The following HOOK3 variants were observed in gnomAD, a reference collection of about 807,000 sequenced individuals.
The protein encoded by HOOK3 is hook microtubule tethering protein 3.
HOOK3 carries 24 observed loss-of-function variants against 116.3 expected under a neutral mutation model. The observed-to-expected ratio is 0.21, with a 90% CI of 0.15 to 0.29. HOOK3 has a LOEUF of 0.29. Among genes scored for constraint, HOOK3 ranks in the 10% least tolerant of loss-of-function variants. HOOK3 has a pLI of 1.00. For missense variants in HOOK3, 632 were observed against 830.2 expected (o/e 0.76, Z 2.93); for synonymous variants, 275 against 283.0 (o/e 0.97, Z 0.28).
intron 12 of HOOK3, among the ~76,000 whole-genome samples, chr8:42,973,637 C>T (rs1808766524): frequency 1.3e-5 from 2 of 152,172 alleles, no homozygotes; most frequent in African/African-American, 4.8e-5. Context: ...TTTTCTACCA[C>T]TGTTGCCTCC....
Position 42,946,814 on chromosome 8 carries a change from G to A in HOOK3, c.400+3369G>A, listed in dbSNP as rs538290190. Among the ~76,000 whole-genome samples the A allele has an allele frequency of 1.8e-4, 25 of 138,278 alleles. No individual in the cohort carries two copies. In the South Asian group the frequency reaches 5.8e-3, roughly 32 times the overall value. The allele number at this position is 138,278 out of a possible 152,430, so 90.7% of individuals were successfully genotyped here. A position where few individuals can be genotyped will look rare whatever the true frequency, so the allele number is the denominator to read the frequency against. ...GACAGATTCTCACTCTGTCACCCAG[G>A]CTGGAGTCCAGTGGTGTGATCTCGG... On this transcript the variant is annotated intron_variant, in intron 5 of 21. Transcript: ENST00000307602.
At position 42,997,616 on chromosome 8, in the gene HOOK3, T is replaced by A. The variant is rs1809303896; in HGVS notation, c.1599T>A (p.Asp533Glu). ...AAGAATTACAAAAATCTTTACAGGA[T>A]CAAGGCTCAAAAGCAGAAGATGTAA... ...QVEELQKSLQ[D>E]QGSKAEDSVL... is the part of the protein sequence containing the mutation. Residue 533 changes from aspartate (D) to glutamate (E), a missense_variant, in exon 16 of 22, where the codon GAT (aspartate) becomes GAA (glutamate). By Grantham distance (45) the Asp-to-Glu change is conservative. This residue lies in a region of HOOK3 where 483 missense variants were observed against 648.1 expected (regional missense o/e 0.75). Coordinates refer to ENST00000307602, the MANE Select transcript of HOOK3 (RefSeq NM_032410.4). 1.9e-6 allele frequency: 3 copies of A among 1,604,460 alleles called. No individual in the cohort carries two copies. Among genetic ancestry groups the A allele is most frequent in the South Asian group, 2.2e-5 (2 of 90,762 alleles).
chr8:43,005,214 A>ATTTTTTTT (rs1178140233), intron 17 of HOOK3, among the ~76,000 whole-genome samples: 16 of 63,180 alleles, frequency 2.5e-4, no homozygotes, highest in African/African-American at 4.0e-4. Flanking sequence ...TATATATATA[A>ATTTTTTTT]TTTTTTTTTT....
chr8:43,002,271 A>T (rs1028370570), intron 17 of HOOK3, 130 bp downstream of exon 17: 2 of 610,724 alleles, frequency 3.3e-6, no homozygotes, highest in Admixed American at 5.6e-5. Flanking sequence ...AATACATATT[A>T]TGAGAGTCTG....
chr8:42,999,270 G>A (rs1277894915), intron 16 of HOOK3, among the ~76,000 whole-genome samples: 2 of 152,162 alleles, frequency 1.3e-5, no homozygotes, highest in Non-Finnish European at 2.9e-5. Context: ...TTAACAGAAC[G>A]TATTTCAGAA....
rs1054287613 is a variant in HOOK3, at chr8:43,019,551, C to T, written c.*1053C>T. On this transcript the variant is annotated 3_prime_UTR_variant, in exon 22 of 22. Coordinates refer to ENST00000307602, the MANE Select transcript of HOOK3 (RefSeq NM_032410.4). ...TGTTATATTATGGCAGATCTCTTTA[C>T]GTTTTTTCTCACATCTATCTGCTAG... 1.5e-5 allele frequency: 3 copies of T among 202,522 alleles called. No homozygotes were observed. The highest frequency in any genetic ancestry group is 7.7e-5 in the East Asian group (1 of 12,948). The allele number at this position is 202,522 out of a possible 1,614,324, so 12.5% of individuals were successfully genotyped here. A position where few individuals can be genotyped will look rare whatever the true frequency, so the allele number is the denominator to read the frequency against.
rs370329651 is a variant in HOOK3, at chr8:43,013,193, T to G, written c.1944+38T>G. 3.3e-6 allele frequency: 5 copies of G among 1,493,306 alleles called. No individual in the cohort carries two copies. In the African/African-American group the frequency reaches 7.0e-5, roughly 21 times the overall value. 92.5% of individuals were successfully genotyped at this position (1,493,306 alleles called of 1,614,324 possible). A position where few individuals can be genotyped will look rare whatever the true frequency, so the allele number is the denominator to read the frequency against. On this transcript the variant is annotated intron_variant, in intron 20 of 21. Coordinates refer to ENST00000307602, the MANE Select transcript of HOOK3 (RefSeq NM_032410.4). ...ACTGTACAATAAAATAATTGTGTTTTGATTTTAATGTTTTGGGAGCCTTGT... is the reference window on the plus strand; with the variant it reads ...ACTGTACAATAAAATAATTGTGTTTGGATTTTAATGTTTTGGGAGCCTTGT...
At chr8:42,931,843 C>T (rs1014034587) in intron 4 of HOOK3, among the ~76,000 whole-genome samples, 4 of 152,050 alleles carry the variant, frequency 2.6e-5, no homozygotes, top group Admixed American at 1.3e-4. Flanking sequence ...CAACCTCCGC[C>T]TCCTGGGTTC....
chr8:42,934,376 T>C, intron 4 of HOOK3, among the ~76,000 whole-genome samples: 1 of 151,922 alleles, frequency 6.6e-6, no homozygotes, highest in East Asian at 1.9e-4. Context: ...TAATCATAGA[T>C]TTTTTTTACT....
At chr8:42,964,192 G>A in intron 8 of HOOK3, 119 bp from the exon 9 acceptor site, 1 of 967,312 alleles carries the variant, frequency 1.0e-6, no homozygotes, top group East Asian at 2.6e-5. Context: ...GGGCGACAGT[G>A]AGACTCCGCC....
At chr8:42,927,932 C>T (rs532152354) in intron 3 of HOOK3, among the ~76,000 whole-genome samples, 18 of 152,130 alleles carry the variant, frequency 1.2e-4, no homozygotes, top group African/African-American at 2.2e-4. Flanking sequence ...GGATCACTTG[C>T]GGTCAGGAGT....
chr8:42,949,920 A>G (rs1808307513), intron 5 of HOOK3, among the ~76,000 whole-genome samples: 1 of 152,164 alleles, frequency 6.6e-6, no homozygotes, highest in Admixed American at 6.5e-5. Flanking sequence ...TGTCTAAAAA[A>G]AAAAAAAAAG....
At chr8:42,994,933 A>G (rs1479792316) in intron 15 of HOOK3, among the ~76,000 whole-genome samples, 1 of 152,236 alleles carries the variant, frequency 6.6e-6, no homozygotes, top group Non-Finnish European at 1.5e-5. Flanking sequence ...AAAAATGACT[A>G]AGATGGATAG....
chr8:42,916,021 TC>T (rs1460915123), intron 2 of HOOK3, among the ~76,000 whole-genome samples: 1 of 152,170 alleles, frequency 6.6e-6, no homozygotes, highest in Non-Finnish European at 1.5e-5. Flanking sequence ...CCACAGCAGC[TC>T]CCTGGCTCAT....
intron 1 of HOOK3, among the ~76,000 whole-genome samples, chr8:42,901,146 C>T (rs1450225040): frequency 1.3e-5 from 2 of 152,208 alleles, no homozygotes; most frequent in Admixed American, 6.5e-5. Context: ...CAAAATTATC[C>T]ATTGCTCTAG....
chr8:42,958,241 C>A (rs948217780), intron 7 of HOOK3, among the ~76,000 whole-genome samples: 3 of 152,142 alleles, frequency 2.0e-5, no homozygotes, highest in South Asian at 2.1e-4. Context: ...TCTTTGACTT[C>A]TTTCACTTCC....
intron 4 of HOOK3, among the ~76,000 whole-genome samples, chr8:42,935,941 G>A (rs963201654): frequency 5.9e-5 from 9 of 152,198 alleles, no homozygotes; most frequent in Non-Finnish European, 1.3e-4. Context: ...GTCAGTGGTA[G>A]CTGTATGGGG....
chr8:42,968,044 G>A lies in HOOK3; in HGVS notation c.952G>A (p.Gly318Ser). 1.3e-6 allele frequency: 2 copies of A among 1,599,694 alleles called. No individual in the cohort carries two copies. The highest frequency in any genetic ancestry group is 4.5e-5 in the East Asian group (2 of 44,756). ...HSSDKVSKLE[G>S]QVESYKKKLE... ...TTCTGATAAAGTATCTAAACTAGAA[G>A]GTCAAGTAGAATCTTATAAAAAGAA... is the stretch of plus-strand genomic sequence containing the variant. Residue 318 changes from glycine to serine, a missense_variant, in exon 11 of 22, where the codon GGT (glycine) becomes AGT (serine). Around this residue, in one of 3 missense-constraint regions of HOOK3, gnomAD observed 483 missense variants for 648.1 expected, o/e 0.75. Coordinates refer to ENST00000307602, the MANE Select transcript of HOOK3 (RefSeq NM_032410.4).
At chr8:42,936,383 C>G (rs1295762559) in intron 4 of HOOK3, among the ~76,000 whole-genome samples, 3 of 152,118 alleles carry the variant, frequency 2.0e-5, no homozygotes, top group African/African-American at 7.2e-5. Flanking sequence ...TCCTTTATTT[C>G]TTTTTCTTGC....
Sources: gnomAD v4.1 joint callset for allele counts (sites outside exome capture counted in the v4.1 genomes callset) on GRCh38, gnomAD v4.1.1 for gene constraint, gnomAD v4.1.1 regional missense constraint, MANE v1.5 for transcripts, NCBI Gene and HGNC (gene_info 2026-07-23, HGNC 2026-07-21) for gene names.